Variants in ARHGAP44 observed in about 807,000 individuals in gnomAD.
ARHGAP44 encodes the protein Rho GTPase activating protein 44, also known as rho GTPase-activating protein 44.
A neutral mutation model predicts 106.8 loss-of-function variants in ARHGAP44; 43 were observed. The ratio of observed to expected loss-of-function variants is 0.40; its 90% CI spans 0.32 to 0.52. ARHGAP44 has a LOEUF of 0.52. Among genes scored for constraint, ARHGAP44 ranks in the 20% least tolerant of loss-of-function variants. The pLI is 0.48. For missense variants in ARHGAP44, 866 were observed against 1,050.5 expected (o/e 0.82, Z 2.43); for synonymous variants, 439 against 410.3 (o/e 1.07, Z -0.85).
At chr17:12,959,178 TA>T (rs145695036) in intron 16 of ARHGAP44, 147 of 399,602 alleles carry the variant, frequency 3.7e-4, no homozygotes, top group South Asian at 5.9e-4. Context: ...TGAGTGCAAT[TA>T]AAAAAAATAC....
In ARHGAP44 at chr17:12,958,272, T is replaced by C. The variant is rs2039176572; in HGVS notation, c.1343-445T>C. 6.6e-6 allele frequency among the ~76,000 whole-genome samples: 1 copy of C among 152,244 alleles called. No homozygotes were observed. Among genetic ancestry groups the C allele is most frequent in the Non-Finnish European group, 1.5e-5 (1 of 68,038 alleles). On this transcript the variant is annotated intron_variant, in intron 15 of 20. Coordinates refer to ENST00000379672, the MANE Select transcript of ARHGAP44 (RefSeq NM_014859.6). This position sits in a 1 kb window ranked among gnomAD's most constrained non-coding sequence, Gnocchi z 4.1. ...TTTCCAGAAAGGCAGTGTCATCATC[T>C]ATAAATATTAATATTGCCTCTTATT...
At chr17:12,799,070 C>G (rs567500859) in intron 1 of ARHGAP44, among the ~76,000 whole-genome samples, 1 of 152,268 alleles carries the variant, frequency 6.6e-6, no homozygotes, top group Non-Finnish European at 1.5e-5. Flanking sequence ...CAGAGGAAGT[C>G]TCTCCCTACC....
At chr17:12,962,143 A>C (rs928311526) in intron 16 of ARHGAP44, among the ~76,000 whole-genome samples, 2 of 152,124 alleles carry the variant, frequency 1.3e-5, no homozygotes, top group African/African-American at 4.8e-5. Context: ...AAGAAAATTG[A>C]GGGGCAGAAA....
intron 7 of ARHGAP44, among the ~76,000 whole-genome samples, chr17:12,938,349 T>C (rs995941638): frequency 2.6e-5 from 4 of 152,110 alleles, no homozygotes; most frequent in African/African-American, 9.7e-5. Flanking sequence ...CAAAAGTTAA[T>C]ATGGAAGAAT....
chr17:12,848,826 C>T (rs1475742496), intron 1 of ARHGAP44, among the ~76,000 whole-genome samples: 1 of 152,112 alleles, frequency 6.6e-6, no homozygotes, highest in Non-Finnish European at 1.5e-5. Context: ...GTGGGCGGAT[C>T]ACCAGAAGTC....
intron 1 of ARHGAP44, among the ~76,000 whole-genome samples, chr17:12,828,224 A>T (rs889891036): frequency 2.6e-5 from 4 of 151,800 alleles, no homozygotes; most frequent in African/African-American, 7.3e-5. Flanking sequence ...TTTATACCTT[A>T]TATTTTTTGT....
chr17:12,870,066 T>TG lies in ARHGAP44; in HGVS notation c.54-24873dup, dbSNP rs1555549507. ...ATACCGTCTTTTTTTTTTTTTTTTT[T>TG]GAGATAGAGTCTTGCTCTGTCACTC... On this transcript the variant is annotated intron_variant, in intron 1 of 20. Transcript: ENST00000379672. Among the ~76,000 whole-genome samples the TG allele has an allele frequency of 4.4e-4, 63 of 144,046 alleles. 2 individuals carry two copies. Among genetic ancestry groups the TG allele is most frequent in the Middle Eastern group, 3.6e-3 (1 of 278 alleles). 94.5% of individuals were successfully genotyped at this position (144,046 alleles called of 152,430 possible). A position where few individuals can be genotyped will look rare whatever the true frequency, so the allele number is the denominator to read the frequency against.
chr17:12,836,518 C>T (rs563979258), intron 1 of ARHGAP44, among the ~76,000 whole-genome samples: 5 of 151,964 alleles, frequency 3.3e-5, no homozygotes, highest in African/African-American at 1.2e-4. Context: ...CATGGTGGCA[C>T]ATGCCTGTAA....
chr17:12,906,202 A>C (rs1467949804), intron 3 of ARHGAP44, among the ~76,000 whole-genome samples: 1 of 152,186 alleles, frequency 6.6e-6, no homozygotes, highest in East Asian at 1.9e-4. Flanking sequence ...GCTTCTCTGA[A>C]AAACAGACTC....
intron 3 of ARHGAP44, among the ~76,000 whole-genome samples, 153 bp downstream of exon 3, chr17:12,896,664 G>C (rs2037215772): frequency 6.6e-6 from 1 of 152,192 alleles, no homozygotes; most frequent in Non-Finnish European, 1.5e-5. Context: ...TCTGTTTTCT[G>C]TGGGGTAATG....
At chr17:12,985,111 G>C (rs1043242025) in intron 20 of ARHGAP44, 1 of 616,070 alleles carries the variant, frequency 1.6e-6, no homozygotes. Flanking sequence ...CCACACAGGG[G>C]CTTCTTATGG....
chr17:12,970,256 C>G (rs564447107), intron 16 of ARHGAP44, among the ~76,000 whole-genome samples: 1 of 151,128 alleles, frequency 6.6e-6, no homozygotes, highest in Non-Finnish European at 1.5e-5. Flanking sequence ...TTCCAAGCTA[C>G]TCAGGAGGCT....
intron 20 of ARHGAP44, chr17:12,986,532 G>A (rs112222186): frequency 6.5e-6 from 1 of 152,798 alleles, no homozygotes; most frequent in East Asian, 1.9e-4. Flanking sequence ...GGAGGCCGAG[G>A]AGAATTAGTT....
intron 1 of ARHGAP44, among the ~76,000 whole-genome samples, chr17:12,860,856 C>CT (rs71144929): frequency 0.045 from 6,027 of 134,600 alleles, 465 homozygotes; most frequent in African/African-American, 0.16. Flanking sequence ...TTTTTCTATT[C>CT]TTTTTTTTTT....
chr17:12,909,102 T>A lies in ARHGAP44; in HGVS notation c.275+129T>A, dbSNP rs2037646679. The A allele has an allele frequency of 1.8e-5, 14 of 759,606 alleles. No individual in the cohort carries two copies. The South Asian group carries it at 2.5e-4, about 13-fold the overall frequency. The allele number at this position is 759,606 out of a possible 1,614,324, so 47.1% of individuals were successfully genotyped here. On this transcript the variant is annotated intron_variant, in intron 4 of 20. Coordinates refer to ENST00000379672, the MANE Select transcript of ARHGAP44 (RefSeq NM_014859.6). Reference sequence around the variant, plus strand: ...GACTTTAGTGGAAAAAAGGAAAATGTTACCAGTAGGAAATCAGAACTCTTG... The same window carrying A: ...GACTTTAGTGGAAAAAAGGAAAATGATACCAGTAGGAAATCAGAACTCTTG...
At chr17:12,946,248 C>T (rs2038848485) in intron 10 of ARHGAP44, among the ~76,000 whole-genome samples, 1 of 152,120 alleles carries the variant, frequency 6.6e-6, no homozygotes, top group South Asian at 2.1e-4. Context: ...CCATTTCCTG[C>T]CCCCAAACCC....
chr17:12,897,829 G>A lies in ARHGAP44; in HGVS notation c.198+1318G>A, dbSNP rs1163331700. Among the ~76,000 whole-genome samples the A allele has an allele frequency of 4.0e-5, 6 of 150,008 alleles. No individual in the cohort carries two copies. The East Asian group carries it at 9.9e-4, about 25-fold the overall frequency. ...ATGCTACCACCAGAGGCTTGAATTC[G>A]GCCTTTGGTGTTGGTAGGCGGATTA... On this transcript the variant is annotated intron_variant, in intron 3 of 20. Transcript: ENST00000379672.
At chr17:12,794,162 G>A (rs1417271061) in intron 1 of ARHGAP44, among the ~76,000 whole-genome samples, 2 of 152,182 alleles carry the variant, frequency 1.3e-5, no homozygotes, top group Non-Finnish European at 2.9e-5. Context: ...AAGGCATAGA[G>A]TATTTTTCTT....
rs182949976 is a variant in ARHGAP44 at position 12,811,174 on chromosome 17, G to A, written c.53+21283G>A. On this transcript the variant is annotated intron_variant, in intron 1 of 20. Coordinates refer to ENST00000379672, the MANE Select transcript of ARHGAP44 (RefSeq NM_014859.6). ...AAAAATACAAAAAAATTAGCCAGGC[G>A]TGGTGGCGGGCGCCTGTAGTCCCAG... is the stretch of plus-strand genomic sequence containing the variant. 2.3e-3 allele frequency among the ~76,000 whole-genome samples: 343 copies of A among 151,988 alleles called. 4 individuals are homozygous for A. The highest frequency in any genetic ancestry group is 7.6e-3 in the African/African-American group (317 of 41,476).
Sources: gnomAD v4.1 joint callset for allele counts (sites outside exome capture counted in the v4.1 genomes callset) on GRCh38, gnomAD v4.1.1 for gene constraint, Gnocchi (gnomAD v3.1) non-coding constraint, MANE v1.5 for transcripts, NCBI Gene and HGNC (gene_info 2026-07-23, HGNC 2026-07-21) for gene names.